Variants in EPHA5 observed in about 807,000 individuals in gnomAD.
The protein encoded by EPHA5 is EPH receptor A5, also known as ephrin type-A receptor 5.
EPHA5 carries 60 observed loss-of-function variants against 105.0 expected under a neutral mutation model. That is an observed-to-expected ratio of 0.57 (90% CI 0.46 to 0.71). The LOEUF (loss-of-function observed/expected upper bound fraction) is 0.71, where lower values mean the gene tolerates loss of function less well. Among genes scored for constraint, EPHA5 ranks in the 30% least tolerant of loss-of-function variants. The pLI is 0.00. For synonymous variants in EPHA5, 513 were observed against 449.1 expected (o/e 1.14, Z -1.80); for missense variants, 1,218 against 1,274.7 (o/e 0.96, Z 0.68).
chr4:65,576,973 T>G (rs562126534), intron 3 of EPHA5, among the ~76,000 whole-genome samples: 1 of 152,282 alleles, frequency 6.6e-6, no homozygotes, highest in African/African-American at 2.4e-5. Flanking sequence ...AAGAGGAATT[T>G]TACACTCTAT....
chr4:65,401,904 T>TGAGA (rs34334792), intron 8 of EPHA5, among the ~76,000 whole-genome samples: 172 of 148,668 alleles, frequency 1.2e-3, no homozygotes, highest in African/African-American at 1.8e-3. Flanking sequence ...TGTGTGTGTG[T>TGAGA]GAGAGAGAGA....
chr4:65,630,227 T>G (rs1746508478), intron 2 of EPHA5, among the ~76,000 whole-genome samples: 2 of 152,174 alleles, frequency 1.3e-5, no homozygotes, highest in South Asian at 2.1e-4. Flanking sequence ...AGAAAAGACG[T>G]GAAACTGGTG....
intron 3 of EPHA5, among the ~76,000 whole-genome samples, chr4:65,546,377 T>C (rs1348414922): frequency 1.3e-5 from 2 of 152,006 alleles, no homozygotes; most frequent in Non-Finnish European, 1.5e-5. Context: ...AAAAAATATG[T>C]TAATATTTGA....
At position 65,323,187 on chromosome 4, in the gene EPHA5, T is replaced by C. The variant is rs1174913974; in HGVS notation, c.*927A>G. ...AAAGGGGATTTAGTCTTATACACAT[T>C]TCCTTTTAGTGAATAAAGAGATTAG... On this transcript the variant is annotated 3_prime_UTR_variant, in exon 17 of 17. Coordinates refer to ENST00000613740, the MANE Select transcript of EPHA5 (RefSeq NM_001281766.3). 4.4e-6 allele frequency: 1 copy of C among 228,800 alleles called. No individual in the cohort carries two copies. The highest frequency in any genetic ancestry group is 8.7e-6 in the Non-Finnish European group (1 of 115,270). 14.2% of individuals were successfully genotyped at this position (228,800 alleles called of 1,614,324 possible).
chr4:65,512,593 C>T (rs373706034), intron 3 of EPHA5, among the ~76,000 whole-genome samples: 2 of 152,036 alleles, frequency 1.3e-5, no homozygotes, highest in African/African-American at 4.8e-5. Context: ...TCTGAAGTGC[C>T]GGCTTCTCCT....
Position 65,559,057 on chromosome 4 carries a change from G to T in EPHA5, c.910+42584C>A, listed in dbSNP as rs1203366302. On this transcript the variant is annotated intron_variant, in intron 3 of 16. Transcript: ENST00000613740. ...TTTATGCCCTGAATCTAAAATAAAA[G>T]TTGAAATTAGGAAAAAATCAAAATT... Among the ~76,000 whole-genome samples, 2 of 151,882 alleles carry T rather than the reference G, an allele frequency of 1.3e-5. 1 individual carries two copies. The highest frequency in any genetic ancestry group is 1.3e-4 in the Admixed American group (2 of 15,218).
chr4:65,526,903 A>G (rs1371277321), intron 3 of EPHA5, among the ~76,000 whole-genome samples: 1 of 152,016 alleles, frequency 6.6e-6, no homozygotes, highest in Non-Finnish European at 1.5e-5. Flanking sequence ...TCCAAATCAC[A>G]TTAACAGAAA....
chr4:65,421,232 T>G (rs1723917658), intron 5 of EPHA5, among the ~76,000 whole-genome samples: 1 of 152,100 alleles, frequency 6.6e-6, no homozygotes, highest in Admixed American at 6.6e-5. Context: ...GACTTATATA[T>G]CTGCTCTTTC....
In EPHA5 at chr4:65,365,110, C is replaced by T. The variant is rs2148888466; in HGVS notation, c.2080G>A (p.Glu694Lys). 1 of 1,611,874 alleles carries T rather than the reference C, an allele frequency of 6.2e-7. No homozygotes were observed. ...CCTAGGAAATCTCTGCGTTGCTTTT[C>T]AGTATAGCCTACTTTAAGGGTTTTG... ...AIKTLKVGYT[E>K]KQRRDFLGEA... Residue 694 changes from glutamate (E) to lysine (K), a missense_variant, in exon 11 of 17, where the codon GAA (glutamate) becomes AAA (lysine). Around this residue, in one of 3 missense-constraint regions of EPHA5, gnomAD observed 971 missense variants for 1,013.5 expected, o/e 0.96. Transcript: ENST00000613740.
chr4:65,467,039 AG>A (rs937635165), intron 5 of EPHA5, among the ~76,000 whole-genome samples: 30 of 152,216 alleles, frequency 2.0e-4, no homozygotes, highest in Non-Finnish European at 3.5e-4. Flanking sequence ...TTGGGACAAA[AG>A]AAGTGGTTAT....
At chr4:65,530,419 T>C (rs1013512188) in intron 3 of EPHA5, among the ~76,000 whole-genome samples, 1 of 89,812 alleles carries the variant, frequency 1.1e-5, no homozygotes, top group African/African-American at 3.6e-5. Flanking sequence ...TACATTTGTG[T>C]GTGTGTGTGT....
chr4:65,525,915 G>A (rs1327494547), intron 3 of EPHA5, among the ~76,000 whole-genome samples: 3 of 151,704 alleles, frequency 2.0e-5, no homozygotes, highest in Admixed American at 6.6e-5. Flanking sequence ...TGTCTCAGGC[G>A]CTGATTATAA....
intron 2 of EPHA5, among the ~76,000 whole-genome samples, chr4:65,641,149 G>C (rs376792943): frequency 2.3e-4 from 35 of 152,258 alleles, no homozygotes; most frequent in African/African-American, 8.2e-4. Context: ...GCTGGGAAGA[G>C]TCTCCTACTT....
chr4:65,576,167 A>AAAGGAAGGAAGGAAGG (rs141356860), intron 3 of EPHA5, among the ~76,000 whole-genome samples: 1 of 148,066 alleles, frequency 6.8e-6, no homozygotes, highest in East Asian at 2.0e-4. Context: ...GAGAGAAAGT[A>AAAGGAAGGAAGGAAGG]AAGGAAGGAA....
chr4:65,447,150 C>A (rs1370044910), intron 5 of EPHA5, among the ~76,000 whole-genome samples: 1 of 151,368 alleles, frequency 6.6e-6, no homozygotes, highest in Non-Finnish European at 1.5e-5. Context: ...CCACACCTGG[C>A]TAATTTTTAC....
chr4:65,647,399 A>G (rs1456227099), intron 1 of EPHA5, among the ~76,000 whole-genome samples: 1 of 151,394 alleles, frequency 6.6e-6, no homozygotes, highest in East Asian at 1.9e-4. Context: ...TCAGAAGTTA[A>G]TTTCCCAATT....
chr4:65,488,925 G>A (rs1731143769), intron 5 of EPHA5, among the ~76,000 whole-genome samples: 1 of 121,356 alleles, frequency 8.2e-6, no homozygotes, highest in Non-Finnish European at 1.6e-5. Flanking sequence ...TCGCTCTGTT[G>A]CCCAGGCTGG....
At chr4:65,579,777 G>A (rs951086492) in intron 3 of EPHA5, among the ~76,000 whole-genome samples, 1 of 151,750 alleles carries the variant, frequency 6.6e-6, no homozygotes, top group African/African-American at 2.4e-5. Flanking sequence ...GTTTTTTTCT[G>A]AGCATAGTAA....
intron 3 of EPHA5, among the ~76,000 whole-genome samples, chr4:65,523,871 C>T (rs888179982): frequency 1.4e-4 from 22 of 151,768 alleles, no homozygotes; most frequent in African/African-American, 2.2e-4. Context: ...AAAGAAGGGA[C>T]GAAATGGTGG....
Sources: allele counts gnomAD v4.1 joint callset (sites outside exome capture counted in the v4.1 genomes callset), GRCh38; gene constraint gnomAD v4.1.1; regional missense constraint gnomAD v4.1.1; transcripts MANE v1.5; gene names NCBI Gene and HGNC (gene_info 2026-07-23, HGNC 2026-07-21).